RHBDD1: variants seen among roughly 807,000 people sequenced by gnomAD.
RHBDD1 encodes the protein rhomboid domain containing 1.
In RHBDD1, 38 loss-of-function variants were observed where a neutral mutation model predicts 36.3. The observed-to-expected ratio is 1.05, with a 90% CI of 0.81 to 1.37. RHBDD1 has a LOEUF of 1.37. RHBDD1 is among the 40% of genes most tolerant of loss of function. RHBDD1 has a pLI of 0.00. For synonymous variants in RHBDD1, 151 were observed against 136.5 expected, an observed-to-expected ratio of 1.11 and a Z score of -0.74; for missense variants, 393 against 377.6, an observed-to-expected ratio of 1.04 and a Z score of -0.34.
At chr2:226,934,547 C>T (rs1438611581) in intron 8 of RHBDD1, among the ~76,000 whole-genome samples, 2 of 152,122 alleles carry the variant, frequency 1.3e-5, no homozygotes, top group Non-Finnish European at 2.9e-5. Context: ...GCCATAATTA[C>T]AAGTCCTAAA....
At chr2:226,802,819 T>A in the RHBDD1 span, among the ~76,000 whole-genome samples, 1 of 152,240 alleles carries the variant, frequency 6.6e-6, no homozygotes, top group Admixed American at 6.5e-5. Flanking sequence ...AATACAGTCC[T>A]AATTCAAGGA....
chr2:226,918,539 C>G (rs1475468622), intron 8 of RHBDD1, among the ~76,000 whole-genome samples: 1 of 151,932 alleles, frequency 6.6e-6, no homozygotes, highest in Non-Finnish European at 1.5e-5. Context: ...TTTATAGCTC[C>G]CACAAATAAA....
At chr2:226,849,727 A>G (rs1942607731) in intron 3 of RHBDD1, among the ~76,000 whole-genome samples, 1 of 152,074 alleles carries the variant, frequency 6.6e-6, no homozygotes, top group Non-Finnish European at 1.5e-5. Flanking sequence ...CTATATCTAT[A>G]TAATCTGTAT....
intron 8 of RHBDD1, among the ~76,000 whole-genome samples, chr2:226,937,977 T>C (rs1465881784): frequency 2.0e-5 from 3 of 152,212 alleles, no homozygotes; most frequent in African/African-American, 4.8e-5. Context: ...ATTGCTGGGT[T>C]GAATGGTATT....
In RHBDD1 at chr2:226,996,008, T is replaced by G. The variant is rs1166450536; in HGVS notation, c.*486T>G. ...GGATGTGGCTGCCTTGGCCGAATGT[T>G]GTCCTACTCTCCCCAACCCCGGCGC... On this transcript the variant is annotated 3_prime_UTR_variant, in exon 9 of 9. Transcript: ENST00000392062. 6.3e-6 allele frequency: 1 copy of G among 157,928 alleles called. No homozygotes were observed. 9.8% of individuals were successfully genotyped at this position (157,928 alleles called of 1,614,324 possible).
intron 4 of RHBDD1, among the ~76,000 whole-genome samples, chr2:226,866,087 T>C (rs1386835825): frequency 8.1e-6 from 1 of 122,766 alleles, no homozygotes; most frequent in Non-Finnish European, 1.7e-5. Context: ...TTTATTTTTT[T>C]TGAGACGGAG....
intron 5 of RHBDD1, among the ~76,000 whole-genome samples, chr2:226,883,799 G>C (rs1481439153): frequency 6.6e-6 from 1 of 152,182 alleles, no homozygotes; most frequent in Non-Finnish European, 1.5e-5. Context: ...TGGGTCAGTA[G>C]GTGATAATCA....
At chr2:226,830,748 G>A (rs578081548), upstream of RHBDD1, among the ~76,000 whole-genome samples, 3 of 152,088 alleles carry the variant, frequency 2.0e-5, no homozygotes, top group Non-Finnish European at 2.9e-5. Flanking sequence ...ATCACAGCTC[G>A]CTATTCCTTG....
the RHBDD1 span, among the ~76,000 whole-genome samples, chr2:226,826,224 G>A: frequency 1.1e-4 from 16 of 152,196 alleles, no homozygotes. Context: ...TGTGAGATTA[G>A]AAATCAGGGA....
chr2:226,817,156 C>T, the RHBDD1 span, among the ~76,000 whole-genome samples: 10 of 152,126 alleles, frequency 6.6e-5, no homozygotes, highest in Non-Finnish European at 1.2e-4. Flanking sequence ...GAGCTATATA[C>T]GCCTAGTAAT....
rs551277079 is a variant in RHBDD1 at position 226,927,836 on chromosome 2, T to C, written c.856+13485T>C. On this transcript the variant is annotated intron_variant, in intron 8 of 8. Transcript: ENST00000392062. The stretch of plus-strand genomic sequence containing the variant: ...ATCTTTGAGTTTAGGGAATTCTTTA[T>C]ATATTCTGAATAAAAGCGCTTCATA... 1.8e-4 allele frequency among the ~76,000 whole-genome samples: 28 copies of C among 152,286 alleles called. 1 individual carries two copies. In the South Asian group the frequency reaches 5.4e-3, roughly 29 times the overall value.
At chr2:226,832,263 T>C (rs763355198), upstream of RHBDD1, among the ~76,000 whole-genome samples, 1 of 152,254 alleles carries the variant, frequency 6.6e-6, no homozygotes, top group Non-Finnish European at 1.5e-5. Context: ...ATGAGTAATC[T>C]AATTTCCAAA....
intron 8 of RHBDD1, among the ~76,000 whole-genome samples, chr2:226,915,307 A>C (rs1275741847): frequency 1.3e-5 from 2 of 152,204 alleles, no homozygotes; most frequent in Non-Finnish European, 1.5e-5. Context: ...CAGAAGTCTG[A>C]ATATCAGCAT....
rs1948511898 is a variant in RHBDD1 at position 226,911,509 on chromosome 2, A to G, written c.712+2631A>G. On this transcript the variant is annotated intron_variant, in intron 7 of 8. Transcript: ENST00000392062. ...TCTTTGTGGAAAAGATGTATTAATT[A>G]TGTTTTTACCATTTGTCCTCATGTG... 3.2e-5 allele frequency among the ~76,000 whole-genome samples: 4 copies of G among 124,760 alleles called. No homozygotes were observed. The South Asian group carries it at 1.1e-3, about 33-fold the overall frequency. The allele number at this position is 124,760 out of a possible 152,430, so 81.8% of individuals were successfully genotyped here. A position where few individuals can be genotyped will look rare whatever the true frequency, so the allele number is the denominator to read the frequency against.
chr2:226,811,818 GT>G, the RHBDD1 span, among the ~76,000 whole-genome samples: 1 of 152,324 alleles, frequency 6.6e-6, no homozygotes, highest in South Asian at 2.1e-4. Context: ...GTCTTTTGAA[GT>G]TTGCATTTAT....
At chr2:226,888,719 A>G (rs1946442599) in intron 5 of RHBDD1, among the ~76,000 whole-genome samples, 1 of 152,210 alleles carries the variant, frequency 6.6e-6, no homozygotes, top group Non-Finnish European at 1.5e-5. Flanking sequence ...AGGGCAGTGA[A>G]GAACTCTGGT....
At chr2:226,846,278 T>G (rs370482906) in intron 3 of RHBDD1, among the ~76,000 whole-genome samples, 16 of 152,298 alleles carry the variant, frequency 1.1e-4, no homozygotes, top group African/African-American at 3.6e-4. Flanking sequence ...AAAGTTTGTA[T>G]GAAGGATAGT....
At chr2:226,922,995 GT>G (rs1295603544) in intron 8 of RHBDD1, among the ~76,000 whole-genome samples, 2 of 152,044 alleles carry the variant, frequency 1.3e-5, no homozygotes, top group East Asian at 3.8e-4. Flanking sequence ...AAAAATTGTT[GT>G]AGTTATTATT....
chr2:226,857,926 G>A (rs962520379), intron 3 of RHBDD1, among the ~76,000 whole-genome samples: 4 of 152,106 alleles, frequency 2.6e-5, no homozygotes, highest in African/African-American at 9.7e-5. Flanking sequence ...TGGTATGTGA[G>A]TTATATTTCG....
Sources: gnomAD v4.1 joint callset for allele counts (sites outside exome capture counted in the v4.1 genomes callset) on GRCh38, gnomAD v4.1.1 for gene constraint, MANE v1.5 for transcripts, NCBI Gene and HGNC (gene_info 2026-07-23, HGNC 2026-07-21) for gene names.